The following SPIRE1 variants were observed in gnomAD, a reference collection of about 807,000 sequenced individuals.
SPIRE1 encodes protein spire homolog 1.
SPIRE1 carries 40 observed loss-of-function variants against 94.1 expected under a neutral mutation model. The ratio of observed to expected loss-of-function variants is 0.43; its 90% CI spans 0.33 to 0.55. SPIRE1 has a LOEUF of 0.55. Ranked by LOEUF, SPIRE1 falls within the 20% of genes least tolerant of loss-of-function variation. The probability of loss-of-function intolerance (pLI) is 0.06; values close to 1 mark genes in which losing one functional copy is unlikely to be tolerated. For synonymous variants in SPIRE1, 376 were observed against 371.7 expected (o/e 1.01, Z -0.13); for missense variants, 838 against 975.2 (o/e 0.86, Z 1.87).
At chr18:12,576,433 T>A (rs1445541302) in intron 2 of SPIRE1, among the ~76,000 whole-genome samples, 1 of 150,140 alleles carries the variant, frequency 6.7e-6, no homozygotes, top group African/African-American at 2.5e-5. Context: ...AATACGAAAA[T>A]TAGCCAGGTG....
At chr18:12,526,003 T>C (rs972788764) in intron 4 of SPIRE1, among the ~76,000 whole-genome samples, 7 of 144,940 alleles carry the variant, frequency 4.8e-5, no homozygotes, top group Non-Finnish European at 4.5e-5. Context: ...CAGTAATACA[T>C]GCTAAACAAG....
At chr18:12,473,211 C>A (rs144304127) in intron 10 of SPIRE1, among the ~76,000 whole-genome samples, 1 of 152,244 alleles carries the variant, frequency 6.6e-6, no homozygotes, top group Non-Finnish European at 1.5e-5. Context: ...CTGTGAGCCA[C>A]CCACCTGGCT....
intron 2 of SPIRE1, among the ~76,000 whole-genome samples, chr18:12,609,190 G>A (rs765178973): frequency 2.0e-5 from 3 of 152,200 alleles, no homozygotes; most frequent in Admixed American, 6.5e-5. Context: ...AACAGGCTGC[G>A]TCTGTAATGG....
intron 4 of SPIRE1, among the ~76,000 whole-genome samples, chr18:12,517,681 T>G (rs1325227826): frequency 6.6e-6 from 1 of 152,172 alleles, no homozygotes; most frequent in African/African-American, 2.4e-5. Flanking sequence ...TTAGAACTGC[T>G]CAATGCCAAC....
At chr18:12,489,261 C>T (rs372728939) in intron 8 of SPIRE1, among the ~76,000 whole-genome samples, 4 of 152,262 alleles carry the variant, frequency 2.6e-5, no homozygotes, top group East Asian at 3.9e-4. Flanking sequence ...AAAACATCTT[C>T]CACTCACCAT....
rs58693692 is a variant in SPIRE1, at chr18:12,644,198, C to CA, written c.338-9103dup. ...TAGGTGACAGAGGGAAACTCCATCT[C>CA]AAAAAAAAAAAAAAAAAAGGTCAGG... On this transcript the variant is annotated intron_variant, in intron 1 of 16. Transcript: ENST00000409402. 3.9e-3 allele frequency among the ~76,000 whole-genome samples: 349 copies of CA among 88,562 alleles called. 20 individuals carry two copies. Among genetic ancestry groups the CA allele is most frequent in the Admixed American group, 0.018 (124 of 7,062 alleles). 58.1% of individuals were successfully genotyped at this position (88,562 alleles called of 152,430 possible). A position where few individuals can be genotyped will look rare whatever the true frequency, so the allele number is the denominator to read the frequency against.
chr18:12,618,346 C>G (rs373946849), intron 2 of SPIRE1, among the ~76,000 whole-genome samples: 1 of 151,940 alleles, frequency 6.6e-6, no homozygotes, highest in Non-Finnish European at 1.5e-5. Context: ...GTTATCCGCC[C>G]GCCTCGGCCT....
At chr18:12,459,732 A>G (rs1331762464) in intron 12 of SPIRE1, 1 of 985,102 alleles carries the variant, frequency 1.0e-6, no homozygotes, top group Non-Finnish European at 1.2e-6. Flanking sequence ...AAATAATCCC[A>G]GACCCAGCAG....
rs1177905026 is a variant in SPIRE1 at position 12,449,909 on chromosome 18, C to G, written c.2013-13G>C. ...TTTTGAGGAGAACCTGGGGTGAAAA[C>G]AAAACAGAAGCCCAGCATTGTTACT... On this transcript the variant is annotated splice_polypyrimidine_tract_variant and intron_variant, in intron 16 of 16. Coordinates refer to ENST00000409402, the MANE Select transcript of SPIRE1 (RefSeq NM_001128626.2). The G allele has an allele frequency of 6.2e-7, 1 of 1,611,126 alleles. No homozygotes were observed. Among genetic ancestry groups the G allele is most frequent in the Non-Finnish European group, 8.5e-7 (1 of 1,178,358 alleles).
intron 12 of SPIRE1, among the ~76,000 whole-genome samples, chr18:12,457,736 C>T (rs920439518): frequency 1.3e-5 from 2 of 151,656 alleles, no homozygotes; most frequent in African/African-American, 4.8e-5. Flanking sequence ...CTATATTTTA[C>T]CATTCAAGAG....
At chr18:12,533,971 CTTATTTA>C (rs903726464) in intron 4 of SPIRE1, among the ~76,000 whole-genome samples, 1 of 122,196 alleles carries the variant, frequency 8.2e-6, no homozygotes, top group East Asian at 2.4e-4. Flanking sequence ...ACACACACAA[CTTATTTA>C]TTCTTCACAG....
intron 2 of SPIRE1, among the ~76,000 whole-genome samples, chr18:12,608,093 G>A (rs1037084471): frequency 6.6e-5 from 10 of 150,612 alleles, no homozygotes; most frequent in African/African-American, 2.2e-4. Context: ...GGGTGGCGGA[G>A]CTTGCAGTGA....
chr18:12,508,166 AAAAT>A (rs2033903045), intron 5 of SPIRE1, among the ~76,000 whole-genome samples: 1 of 152,132 alleles, frequency 6.6e-6, no homozygotes, highest in Non-Finnish European at 1.5e-5. Flanking sequence ...AAATAAAAAA[AAAAT>A]AAAGTGACAC....
chr18:12,475,263 C>T (rs562123333), intron 10 of SPIRE1, among the ~76,000 whole-genome samples: 14 of 152,258 alleles, frequency 9.2e-5, no homozygotes, highest in African/African-American at 2.9e-4. Flanking sequence ...CTTTTCAGTC[C>T]CTGTGGTGTT....
Position 12,657,729 on chromosome 18 carries a change from C to A in SPIRE1, c.138G>T (p.Leu46=). The change falls in exon 1 of 17, where the codon CTG becomes CTT. Residue 46 remains leucine (L), a synonymous_variant. Transcript: ENST00000409402. Reference sequence around the variant, plus strand: ...CGTTGATGGGCTGGTTGTACAGCCGCAGGATCTCCTCCAGGCTCAGCGCGT... The same window carrying A: ...CGTTGATGGGCTGGTTGTACAGCCGAAGGATCTCCTCCAGGCTCAGCGCGT... The part of the protein sequence containing the change: ...SRDALSLEEI[L]RLYNQPINEE... 1 of 1,403,754 alleles carries A rather than the reference C, an allele frequency of 7.1e-7. No individual in the cohort carries two copies. Among genetic ancestry groups the A allele is most frequent in the Non-Finnish European group, 9.3e-7 (1 of 1,070,762 alleles). The allele number at this position is 1,403,754 out of a possible 1,614,324, so 87.0% of individuals were successfully genotyped here. A position where few individuals can be genotyped will look rare whatever the true frequency, so the allele number is the denominator to read the frequency against.
chr18:12,555,962 A>G (rs952840847), intron 2 of SPIRE1, among the ~76,000 whole-genome samples: 2 of 152,216 alleles, frequency 1.3e-5, no homozygotes, highest in African/African-American at 4.8e-5. Context: ...GAATTGATAA[A>G]TTCAGTAAAG....
At chr18:12,493,301 G>A in intron 7 of SPIRE1, 100 bp from the exon 8 acceptor site, 3 of 1,072,246 alleles carry the variant, frequency 2.8e-6, no homozygotes, top group Non-Finnish European at 4.0e-6. Context: ...TTCATTGACT[G>A]GAACACTGCT....
intron 5 of SPIRE1, among the ~76,000 whole-genome samples, chr18:12,508,151 A>C (rs190596274): frequency 6.6e-6 from 1 of 152,140 alleles, no homozygotes; most frequent in East Asian, 1.9e-4. Flanking sequence ...TCTCAAAAAA[A>C]TAAAAAATAA....
chr18:12,571,055 C>T (rs555814296), intron 2 of SPIRE1, among the ~76,000 whole-genome samples: 1 of 151,830 alleles, frequency 6.6e-6, no homozygotes, highest in African/African-American at 2.4e-5. Flanking sequence ...TTATCTCAAA[C>T]CTATTTTATC....
Sources: gnomAD v4.1 joint callset for allele counts (sites outside exome capture counted in the v4.1 genomes callset) on GRCh38, gnomAD v4.1.1 for gene constraint, MANE v1.5 for transcripts, NCBI Gene and HGNC (gene_info 2026-07-23, HGNC 2026-07-21) for gene names.